GYS2: variants seen among roughly 807,000 people sequenced by gnomAD.
GYS2 encodes the protein glycogen [starch] synthase, liver.
In GYS2, 80 loss-of-function variants were observed where a neutral mutation model predicts 85.6. That is an observed-to-expected ratio of 0.93 (90% CI 0.78 to 1.13). The LOEUF is 1.13. Ranked by LOEUF, GYS2 falls within the 50% of genes most tolerant of loss-of-function variation. The pLI is 0.00. For missense variants in GYS2, 881 were observed against 854.9 expected (o/e 1.03, Z -0.38); for synonymous variants, 328 against 300.7 (o/e 1.09, Z -0.94).
At chr12:21,581,510 T>C (rs1051506380) in intron 1 of GYS2, among the ~76,000 whole-genome samples, 3 of 152,166 alleles carry the variant, frequency 2.0e-5, no homozygotes, top group Non-Finnish European at 2.9e-5. Flanking sequence ...TTGTTGGAGA[T>C]GTGAGTCTTG....
chr12:21,542,072 G>C (rs1242819360), intron 13 of GYS2, among the ~76,000 whole-genome samples: 1 of 151,060 alleles, frequency 6.6e-6, no homozygotes, highest in Non-Finnish European at 1.5e-5. Context: ...TTATGAGACA[G>C]CCTGAGGCTC....
At chr12:21,577,297 AT>A (rs1944457453) in intron 2 of GYS2, among the ~76,000 whole-genome samples, 1 of 152,202 alleles carries the variant, frequency 6.6e-6, no homozygotes, top group African/African-American at 2.4e-5. Context: ...ACTATATAAT[AT>A]TTACTGACTG....
At chr12:21,549,044 T>TAATATTAA (rs567489250) in intron 11 of GYS2, among the ~76,000 whole-genome samples, 4,711 of 152,256 alleles carry the variant, frequency 0.031, 97 homozygotes, top group Middle Eastern at 0.095. Context: ...TATTAATAGT[T>TAATATTAA]CAGGTTTAGC....
intron 1 of GYS2, among the ~76,000 whole-genome samples, chr12:21,595,450 T>C (rs962178487): frequency 6.6e-6 from 1 of 152,136 alleles, no homozygotes; most frequent in South Asian, 2.1e-4. Context: ...TACCTGGAGT[T>C]GAGTTAACTT....
Position 21,580,667 on chromosome 12 carries a change from T to G in GYS2, c.122-144A>C, listed in dbSNP as rs183993307. 176 of 706,602 alleles carry G rather than the reference T, an allele frequency of 2.5e-4. No individual in the cohort carries two copies. In the African/African-American group the frequency reaches 2.9e-3, roughly 12 times the overall value. 43.8% of individuals were successfully genotyped at this position (706,602 alleles called of 1,614,324 possible). A position where few individuals can be genotyped will look rare whatever the true frequency, so the allele number is the denominator to read the frequency against. On this transcript the variant is annotated intron_variant, in intron 1 of 15. Transcript: ENST00000261195. The stretch of plus-strand genomic sequence containing the variant: ...TTTATTTACCTTTCAAAAATAATAG[T>G]ATTTGACATATTGTTAAGGGACACC...
At chr12:21,559,872 T>C (rs1296405033) in intron 8 of GYS2, among the ~76,000 whole-genome samples, 162 bp from the exon 9 acceptor site, 1 of 152,208 alleles carries the variant, frequency 6.6e-6, no homozygotes, top group Non-Finnish European at 1.5e-5. Flanking sequence ...TACTTGCCAA[T>C]TCAGCTTAAG....
chr12:21,540,627 T>C, intron 13 of GYS2, 54 bp from the exon 14 acceptor site: 6 of 1,478,220 alleles, frequency 4.1e-6, no homozygotes, highest in Non-Finnish European at 5.7e-6. Flanking sequence ...CCTTAAACAT[T>C]TGTTCTCCTG....
intron 2 of GYS2, among the ~76,000 whole-genome samples, chr12:21,578,601 T>G (rs1001131216): frequency 1.3e-5 from 2 of 152,188 alleles, no homozygotes; most frequent in African/African-American, 4.8e-5. Context: ...GCCTTTTAAT[T>G]GTCATAAAAT....
chr12:21,585,784 C>T (rs1449705209), intron 1 of GYS2, among the ~76,000 whole-genome samples: 1 of 152,046 alleles, frequency 6.6e-6, no homozygotes, highest in Non-Finnish European at 1.5e-5. Flanking sequence ...ATTTTACTTC[C>T]TTTTTCCTTT....
intron 7 of GYS2, among the ~76,000 whole-genome samples, chr12:21,560,765 A>G (rs562279209): frequency 6.6e-6 from 1 of 152,188 alleles, no homozygotes; most frequent in East Asian, 1.9e-4. Context: ...TGAAAATTCA[A>G]ACAAAATATT....
chr12:21,546,631 G>T (rs1944043889), intron 11 of GYS2, among the ~76,000 whole-genome samples, 161 bp from the exon 12 acceptor site: 1 of 152,082 alleles, frequency 6.6e-6, no homozygotes, highest in Non-Finnish European at 1.5e-5. Context: ...AAAAAGCCGT[G>T]GTGGTTTGTT....
chr12:21,563,396 A>G, intron 5 of GYS2, 51 bp from the exon 6 acceptor site: 1 of 919,532 alleles, frequency 1.1e-6, no homozygotes. Flanking sequence ...CAAAGAGGGT[A>G]CCATTGTAGA....
intron 12 of GYS2, among the ~76,000 whole-genome samples, chr12:21,544,037 T>G (rs919131178): frequency 1.3e-5 from 2 of 152,224 alleles, no homozygotes; most frequent in Non-Finnish European, 2.9e-5. Flanking sequence ...TTGAATTAAT[T>G]TAATGAAATA....
At chr12:21,562,895 A>G in intron 7 of GYS2, 23 bp downstream of exon 7, 1 of 1,611,676 alleles carries the variant, frequency 6.2e-7, no homozygotes, top group Non-Finnish European at 8.5e-7. Flanking sequence ...AGAGTGTTAT[A>G]CCATGTCCTA....
chr12:21,593,396 G>C (rs1944661238), intron 1 of GYS2, among the ~76,000 whole-genome samples: 1 of 145,860 alleles, frequency 6.9e-6, no homozygotes, highest in African/African-American at 2.5e-5. Context: ...AAAGAGAAGA[G>C]ACTGAAATAA....
intron 10 of GYS2, 132 bp downstream of exon 10, chr12:21,558,959 G>C (rs1399710782): frequency 6.9e-6 from 4 of 576,102 alleles, no homozygotes; most frequent in Non-Finnish European, 1.3e-5. Flanking sequence ...TCATTTAAGT[G>C]ACTATGTAAG....
intron 1 of GYS2, among the ~76,000 whole-genome samples, chr12:21,584,724 C>T (rs1048067154): frequency 6.6e-6 from 1 of 152,204 alleles, no homozygotes; most frequent in Non-Finnish European, 1.5e-5. Flanking sequence ...CTTGTCCTCA[C>T]TGGAATAGAC....
chr12:21,534,894 C>T (rs1943896870), downstream of GYS2: 1 of 152,102 alleles, frequency 6.6e-6, no homozygotes, highest in African/African-American at 2.4e-5. Flanking sequence ...CCAATAAGAC[C>T]ATTTATCTAT....
intron 7 of GYS2, among the ~76,000 whole-genome samples, chr12:21,561,857 G>C (rs774890712): frequency 1.3e-5 from 2 of 151,932 alleles, no homozygotes; most frequent in African/African-American, 4.8e-5. Context: ...AGCATATTTG[G>C]CATAATGTCT....
Sources: gnomAD v4.1 joint callset for allele counts (sites outside exome capture counted in the v4.1 genomes callset) on GRCh38, gnomAD v4.1.1 for gene constraint, MANE v1.5 for transcripts, NCBI Gene and HGNC (gene_info 2026-07-23, HGNC 2026-07-21) for gene names.